Variants in PHF24 observed in about 807,000 individuals in gnomAD.
PHF24 encodes the protein Galpha inhibitory interacting protein.
PHF24 carries 25 observed loss-of-function variants against 42.6 expected under a neutral mutation model. The ratio of observed to expected loss-of-function variants is 0.59; its 90% CI spans 0.43 to 0.82. PHF24 has a LOEUF of 0.82. Ranked by LOEUF, PHF24 falls within the 40% of genes least tolerant of loss-of-function variation. The probability of loss-of-function intolerance (pLI) is 0.00; values close to 1 mark genes in which losing one functional copy is unlikely to be tolerated. For missense variants in PHF24, 470 were observed against 538.1 expected (o/e 0.87, Z 1.25); for synonymous variants, 185 against 204.8 (o/e 0.90, Z 0.83).
At chr9:34,784,642 C>A in the PHF24 span, among the ~76,000 whole-genome samples, 1 of 152,148 alleles carries the variant, frequency 6.6e-6, no homozygotes, top group Non-Finnish European at 1.5e-5. Flanking sequence ...TGACGATTTC[C>A]ACTGTCCTGC....
At chr9:34,805,005 G>A in the PHF24 span, among the ~76,000 whole-genome samples, 1 of 152,088 alleles carries the variant, frequency 6.6e-6, no homozygotes, top group Non-Finnish European at 1.5e-5. Flanking sequence ...TTAGCATTAT[G>A]TTTTCAAGGT....
At chr9:34,811,631 G>C in the PHF24 span, among the ~76,000 whole-genome samples, 3 of 152,070 alleles carry the variant, frequency 2.0e-5, no homozygotes, top group African/African-American at 7.2e-5. Context: ...ACTAAGACAA[G>C]GCTAAAATGA....
chr9:34,806,305 G>A, the PHF24 span, among the ~76,000 whole-genome samples: 16 of 151,928 alleles, frequency 1.1e-4, no homozygotes, highest in African/African-American at 3.9e-4. Context: ...ATCAATGTGG[G>A]GAATATTATT....
At chr9:34,894,518 T>G in the PHF24 span, 16 of 398,442 alleles carry the variant, frequency 4.0e-5, no homozygotes, top group Non-Finnish European at 7.1e-5. Context: ...AAACAGAAGA[T>G]AGTGAGTGTT....
chr9:34,870,254 C>T, the PHF24 span, among the ~76,000 whole-genome samples: 5 of 152,026 alleles, frequency 3.3e-5, no homozygotes, highest in Non-Finnish European at 7.4e-5. Context: ...AGAGTTCACT[C>T]TTGGGGAAGT....
chr9:34,818,469 A>G, the PHF24 span, among the ~76,000 whole-genome samples: 1 of 152,160 alleles, frequency 6.6e-6, no homozygotes, highest in African/African-American at 2.4e-5. Flanking sequence ...TTGATGTTGC[A>G]GATTACATTA....
chr9:34,856,645 T>C, the PHF24 span, among the ~76,000 whole-genome samples: 1 of 152,232 alleles, frequency 6.6e-6, no homozygotes, highest in African/African-American at 2.4e-5. Flanking sequence ...GGCAGCCTGC[T>C]TCTTCCTCTA....
the PHF24 span, among the ~76,000 whole-genome samples, chr9:34,691,486 A>G: frequency 5.5e-4 from 84 of 152,194 alleles, no homozygotes; most frequent in Non-Finnish European, 1.2e-4. Context: ...CTGGCCCAGT[A>G]AAGGGGGCTG....
the PHF24 span, chr9:34,922,292 T>A: frequency 1.3e-6 from 2 of 1,593,322 alleles, no homozygotes; most frequent in Non-Finnish European, 1.7e-6. Context: ...TGTCTTTGGA[T>A]GACTCTTCAC....
the PHF24 span, among the ~76,000 whole-genome samples, chr9:34,685,805 A>G: frequency 6.6e-6 from 1 of 152,066 alleles, no homozygotes; most frequent in Admixed American, 6.6e-5. Flanking sequence ...GGCTTTCCCT[A>G]TTTCCATGGG....
At chr9:34,671,350 A>T in the PHF24 span, among the ~76,000 whole-genome samples, 1 of 152,196 alleles carries the variant, frequency 6.6e-6, no homozygotes, top group African/African-American at 2.4e-5. Context: ...AAATGGATTT[A>T]TTACTCTCAG....
chr9:34,944,889 TAAA>T, the PHF24 span, among the ~76,000 whole-genome samples: 5 of 129,180 alleles, frequency 3.9e-5, no homozygotes, highest in Non-Finnish European at 6.6e-5. Context: ...CTTGTCTCTT[TAAA>T]AAAAAAAAAA....
chr9:34,794,828 TG>T, the PHF24 span, among the ~76,000 whole-genome samples: 1 of 152,128 alleles, frequency 6.6e-6, no homozygotes, highest in Non-Finnish European at 1.5e-5. Context: ...GAGGGACATG[TG>T]GGGCAGTACC....
chr9:34,907,519 G>A, the PHF24 span, among the ~76,000 whole-genome samples: 1 of 152,094 alleles, frequency 6.6e-6, no homozygotes, highest in Non-Finnish European at 1.5e-5. Context: ...ACCTAGAAGG[G>A]GAACCTCTGC....
At chr9:34,745,104 G>C in the PHF24 span, among the ~76,000 whole-genome samples, 4 of 152,228 alleles carry the variant, frequency 2.6e-5, no homozygotes, top group African/African-American at 9.6e-5. Flanking sequence ...AGGAGCAGAG[G>C]AGGGATTAGA....
the PHF24 span, among the ~76,000 whole-genome samples, chr9:34,781,961 G>T: frequency 2.0e-5 from 3 of 152,186 alleles, no homozygotes; most frequent in African/African-American, 7.2e-5. Flanking sequence ...TCCCCACATG[G>T]GAGAGAAGAA....
At chr9:34,955,010 T>A (rs938785259), upstream of PHF24, among the ~76,000 whole-genome samples, 1 of 152,266 alleles carries the variant, frequency 6.6e-6, no homozygotes, top group African/African-American at 2.4e-5. Context: ...TAAGTATTAT[T>A]TTTTAACATA....
At chr9:34,846,954 T>C in the PHF24 span, among the ~76,000 whole-genome samples, 1 of 152,224 alleles carries the variant, frequency 6.6e-6, no homozygotes, top group African/African-American at 2.4e-5. Context: ...GTTCCATTGA[T>C]CTATATCTCT....
At chr9:34,841,953 C>T in the PHF24 span, among the ~76,000 whole-genome samples, 1 of 152,210 alleles carries the variant, frequency 6.6e-6, no homozygotes, top group African/African-American at 2.4e-5. Flanking sequence ...ATCCTCAAAA[C>T]TTTATTTATA....
Sources: gnomAD v4.1 joint callset for allele counts (sites outside exome capture counted in the v4.1 genomes callset) on GRCh38, gnomAD v4.1.1 for gene constraint, MANE v1.5 for transcripts, NCBI Gene and HGNC (gene_info 2026-07-23, HGNC 2026-07-21) for gene names.